Variants in PTPRG observed in about 807,000 individuals in gnomAD.
The protein encoded by PTPRG is protein tyrosine phosphatase receptor type G.
PTPRG carries 102 observed loss-of-function variants against 165.3 expected under a neutral mutation model. That is an observed-to-expected ratio of 0.62 (90% CI 0.53 to 0.73). The LOEUF (loss-of-function observed/expected upper bound fraction) is 0.73, where lower values mean the gene tolerates loss of function less well. Among genes scored for constraint, PTPRG ranks in the 30% least tolerant of loss-of-function variants. The pLI, the probability that PTPRG is intolerant of heterozygous loss-of-function variation, is 0.00. For missense variants in PTPRG, 1,866 were observed against 1,861.4 expected, an observed-to-expected ratio of 1.00 and a Z score of -0.05; for synonymous variants, 675 against 669.5, an observed-to-expected ratio of 1.01 and a Z score of -0.13.
intron 2 of PTPRG, among the ~76,000 whole-genome samples, chr3:61,977,550 T>C (rs898143009): frequency 6.6e-6 from 1 of 152,202 alleles, no homozygotes; most frequent in African/African-American, 2.4e-5. Flanking sequence ...TTATTTTTTC[T>C]TTACATGATG....
At chr3:62,010,370 T>TTGTGTGTGTG (rs35894531) in intron 4 of PTPRG, among the ~76,000 whole-genome samples, 3,099 of 149,552 alleles carry the variant, frequency 0.021, 57 homozygotes, top group African/African-American at 0.036. Flanking sequence ...CCCTCTCTTC[T>TTGTGTGTGTG]TGTGTGTGTG....
At chr3:62,268,726 G>A (rs1454060535) in intron 19 of PTPRG, among the ~76,000 whole-genome samples, 2 of 152,094 alleles carry the variant, frequency 1.3e-5, no homozygotes, top group Non-Finnish European at 2.9e-5. Context: ...TTACAGGTCA[G>A]ACATAGAGGT....
At chr3:61,968,635 T>C (rs751227934) in intron 2 of PTPRG, among the ~76,000 whole-genome samples, 3 of 152,228 alleles carry the variant, frequency 2.0e-5, no homozygotes, top group African/African-American at 7.2e-5. Flanking sequence ...CTATTTGATA[T>C]AGATTTCAAA....
chr3:61,622,086 C>G (rs1701474654), intron 1 of PTPRG, among the ~76,000 whole-genome samples: 1 of 152,200 alleles, frequency 6.6e-6, no homozygotes, highest in Admixed American at 6.5e-5. Context: ...ACATCTTTCA[C>G]TTAGGTGTTC....
Position 62,167,928 on chromosome 3 carries a change from G to GT in PTPRG, c.841-41dup, listed in dbSNP as rs770635051. ...TTTCTAATTGATGTGTGTTTTTTGT[G>GT]TTGTTTTTTTTTTCCCCCTCCCCTC... On this transcript the variant is annotated intron_variant, in intron 7 of 29. Coordinates refer to ENST00000474889, the MANE Select transcript of PTPRG (RefSeq NM_002841.4). 8.5e-6 allele frequency: 13 copies of GT among 1,522,648 alleles called. No individual in the cohort carries two copies. The South Asian group carries it at 1.4e-4, about 16-fold the overall frequency. 94.3% of individuals were successfully genotyped at this position (1,522,648 alleles called of 1,614,324 possible). A position where few individuals can be genotyped will look rare whatever the true frequency, so the allele number is the denominator to read the frequency against.
intron 4 of PTPRG, among the ~76,000 whole-genome samples, chr3:62,039,798 T>TG (rs1216333527): frequency 6.6e-6 from 1 of 151,174 alleles, no homozygotes; most frequent in African/African-American, 2.4e-5. Flanking sequence ...TGTAAACACT[T>TG]GGCGCCTTTG....
chr3:62,258,192 A>C (rs1439550526), intron 16 of PTPRG, among the ~76,000 whole-genome samples: 3 of 152,192 alleles, frequency 2.0e-5, no homozygotes, highest in African/African-American at 7.2e-5. Context: ...ACGACTTATA[A>C]AAATCTTATC....
intron 1 of PTPRG, among the ~76,000 whole-genome samples, chr3:61,663,868 G>C (rs1488349326): frequency 4.6e-5 from 7 of 152,128 alleles, no homozygotes; most frequent in African/African-American, 1.7e-4. Context: ...AGGCGGCAGA[G>C]CTCAGGCAGT....
chr3:62,119,202 C>T (rs1702972398), intron 5 of PTPRG, among the ~76,000 whole-genome samples: 1 of 152,206 alleles, frequency 6.6e-6, no homozygotes, highest in African/African-American at 2.4e-5. Context: ...GCTTAAATTT[C>T]AGAGACTCTC....
chr3:61,679,766 C>T (rs993665585), intron 1 of PTPRG, among the ~76,000 whole-genome samples: 4 of 151,868 alleles, frequency 2.6e-5, no homozygotes, highest in South Asian at 2.1e-4. Flanking sequence ...GGGCGACGAG[C>T]GAAACTCTGT....
At chr3:61,861,726 A>G (rs1012130122) in intron 2 of PTPRG, among the ~76,000 whole-genome samples, 16 of 152,186 alleles carry the variant, frequency 1.1e-4, no homozygotes, top group African/African-American at 2.7e-4. Flanking sequence ...AGCATATTCA[A>G]TCAATGCAGA....
chr3:61,662,820 G>C (rs749906174), intron 1 of PTPRG, among the ~76,000 whole-genome samples: 4 of 152,162 alleles, frequency 2.6e-5, no homozygotes, highest in African/African-American at 9.7e-5. Context: ...TTTTAAAAAG[G>C]CCTCTCAACT....
chr3:61,983,231 A>G (rs1016066000), intron 2 of PTPRG, among the ~76,000 whole-genome samples: 20 of 152,174 alleles, frequency 1.3e-4, no homozygotes, highest in African/African-American at 4.8e-4. Context: ...GGAGAATGCA[A>G]AAGAATTGTA....
intron 2 of PTPRG, among the ~76,000 whole-genome samples, chr3:61,880,638 A>AAAG (rs1553685728): frequency 6.6e-6 from 1 of 151,048 alleles, no homozygotes; most frequent in East Asian, 1.9e-4. Context: ...AAAAAAAAAA[A>AAAG]AAAAAAGAGA....
intron 5 of PTPRG, among the ~76,000 whole-genome samples, chr3:62,087,800 C>G (rs1508406): frequency 0.3 from 45,107 of 152,058 alleles, 9,137 homozygotes; most frequent in African/African-American, 0.58. Context: ...ATATAATTGC[C>G]TTCAGGCCTC....
chr3:62,159,452 A>G (rs1704662091), intron 7 of PTPRG, among the ~76,000 whole-genome samples: 1 of 152,216 alleles, frequency 6.6e-6, no homozygotes, highest in South Asian at 2.1e-4. Flanking sequence ...AATAAGGACC[A>G]TTAACATATG....
At position 61,606,094 on chromosome 3, in the gene PTPRG, C is replaced by T. The variant is rs7640772; in HGVS notation, c.85+43722C>T. On this transcript the variant is annotated intron_variant, in intron 1 of 29. Transcript: ENST00000474889. ...AAAACAACACACATTTATTATCTTG[C>T]GGTTTCCATGGGTCATGAGTCTGGG... 7.6e-3 allele frequency among the ~76,000 whole-genome samples: 1,163 copies of T among 152,304 alleles called. 11 individuals carry two copies. Among genetic ancestry groups the T allele is most frequent in the African/African-American group, 0.025 (1,058 of 41,566 alleles).
At chr3:62,062,168 G>A (rs565473007) in intron 4 of PTPRG, among the ~76,000 whole-genome samples, 4 of 152,040 alleles carry the variant, frequency 2.6e-5, no homozygotes, top group Non-Finnish European at 4.4e-5. Context: ...GCGTGGTGGC[G>A]CGTGCCTGTA....
At chr3:61,911,327 G>A (rs1277187540) in intron 2 of PTPRG, among the ~76,000 whole-genome samples, 1 of 152,158 alleles carries the variant, frequency 6.6e-6, no homozygotes, top group East Asian at 1.9e-4. Flanking sequence ...AGACATAGAA[G>A]TCCAATTAAT....
Sources: allele counts gnomAD v4.1 joint callset (sites outside exome capture counted in the v4.1 genomes callset), GRCh38; gene constraint gnomAD v4.1.1; transcripts MANE v1.5; gene names NCBI Gene and HGNC (gene_info 2026-07-23, HGNC 2026-07-21).